The following DLG2 variants were observed in gnomAD, a reference collection of about 807,000 sequenced individuals.
DLG2 encodes the protein disks large homolog 2.
Under a neutral mutation model 132.5 loss-of-function variants are expected in DLG2, and 45 were observed. The ratio of observed to expected loss-of-function variants is 0.34; its 90% CI spans 0.27 to 0.44. The LOEUF (loss-of-function observed/expected upper bound fraction) is 0.44, where lower values mean the gene tolerates loss of function less well. Ranked by LOEUF, DLG2 falls within the 20% of genes least tolerant of loss-of-function variation. The pLI is 1.00. For synonymous variants in DLG2, 424 were observed against 419.6 expected, an observed-to-expected ratio of 1.01 and a Z score of -0.13; for missense variants, 1,045 against 1,196.9, an observed-to-expected ratio of 0.87 and a Z score of 1.87.
chr11:84,381,265 C>G (rs1443211443), intron 7 of DLG2, among the ~76,000 whole-genome samples: 2 of 151,766 alleles, frequency 1.3e-5, no homozygotes, highest in Admixed American at 6.6e-5. Context: ...AATACTAGAC[C>G]CAGATAGTTT....
intron 7 of DLG2, among the ~76,000 whole-genome samples, chr11:84,502,415 T>C (rs10898245): frequency 3.0e-5 from 3 of 99,826 alleles, no homozygotes; most frequent in East Asian, 2.5e-4. Flanking sequence ...TCTTTCTTTC[T>C]ATACAGAGTC....
intron 9 of DLG2, among the ~76,000 whole-genome samples, chr11:84,152,217 G>C (rs530682360): frequency 6.6e-6 from 1 of 152,182 alleles, no homozygotes; most frequent in African/African-American, 2.4e-5. Flanking sequence ...TACAAACTGG[G>C]TGCTCCAATG....
At position 84,841,939 on chromosome 11, in the gene DLG2, A is replaced by G. The variant is rs183729482; in HGVS notation, c.357+269722T>C. ...GCTATATGGACAGCTTTGTGCTTGTATCTTTCTTCTTATGATATATTATTT... is the reference window on the plus strand; with the variant it reads ...GCTATATGGACAGCTTTGTGCTTGTGTCTTTCTTCTTATGATATATTATTT... On this transcript the variant is annotated intron_variant, in intron 6 of 27. Coordinates refer to ENST00000376104, the MANE Select transcript of DLG2 (RefSeq NM_001142699.3). Among the ~76,000 whole-genome samples, 141 of 152,024 alleles carry G rather than the reference A, an allele frequency of 9.3e-4. 2 individuals are homozygous for G. The highest frequency in any genetic ancestry group is 1.6e-4 in the Non-Finnish European group (11 of 67,916).
Position 83,985,195 on chromosome 11 carries a change from C to T in DLG2, c.920-4553G>A, listed in dbSNP as rs79673873. ...GGGGCAGGCTCTCTACCTTATAAGA[C>T]CTAGACTGGCTAAGGCATGCCATGA... On this transcript the variant is annotated intron_variant, in intron 11 of 27. Transcript: ENST00000376104. Among the ~76,000 whole-genome samples the T allele has an allele frequency of 6.7e-3, 1,025 of 152,192 alleles. 4 individuals carry two copies. The highest frequency in any genetic ancestry group is 0.011 in the Non-Finnish European group (779 of 67,992).
chr11:85,395,841 T>C (rs936799752), intron 3 of DLG2, among the ~76,000 whole-genome samples: 10 of 152,150 alleles, frequency 6.6e-5, no homozygotes, highest in African/African-American at 2.4e-4. Context: ...GCAGGGCATA[T>C]CTGAACAAAA....
intron 7 of DLG2, among the ~76,000 whole-genome samples, chr11:84,266,853 A>G (rs776890622): frequency 1.3e-5 from 2 of 152,224 alleles, no homozygotes; most frequent in African/African-American, 4.8e-5. Flanking sequence ...CTTCTTAAGT[A>G]TTCACCATTC....
intron 3 of DLG2, among the ~76,000 whole-genome samples, chr11:85,388,016 C>T (rs2086491430): frequency 6.6e-6 from 1 of 152,202 alleles, no homozygotes; most frequent in Non-Finnish European, 1.5e-5. Context: ...AGTCTGCTTG[C>T]TTTCTTAGCT....
At chr11:85,529,043 C>A (rs561932008) in intron 3 of DLG2, among the ~76,000 whole-genome samples, 1 of 152,324 alleles carries the variant, frequency 6.6e-6, no homozygotes, top group Non-Finnish European at 1.5e-5. Flanking sequence ...TTATTAATCT[C>A]ACAAGCATAA....
chr11:84,916,206 G>C (rs955126969), intron 6 of DLG2, among the ~76,000 whole-genome samples: 1 of 150,992 alleles, frequency 6.6e-6, no homozygotes, highest in Non-Finnish European at 1.5e-5. Context: ...AAAATTAGCC[G>C]GGCGTAGTGG....
At chr11:84,769,296 C>T (rs1213007097) in intron 6 of DLG2, among the ~76,000 whole-genome samples, 1 of 152,080 alleles carries the variant, frequency 6.6e-6, no homozygotes, top group Non-Finnish European at 1.5e-5. Flanking sequence ...AAGAATCATT[C>T]AGTTCTTCTG....
chr11:83,874,989 T>A (rs945566024), intron 15 of DLG2, among the ~76,000 whole-genome samples: 2 of 152,156 alleles, frequency 1.3e-5, no homozygotes, highest in African/African-American at 2.4e-5. Flanking sequence ...TTCTTTATGA[T>A]GCAATGTATT....
chr11:83,885,289 A>G (rs2067500875), intron 15 of DLG2, among the ~76,000 whole-genome samples: 1 of 152,260 alleles, frequency 6.6e-6, no homozygotes, highest in Non-Finnish European at 1.5e-5. Context: ...CTCGAGAACT[A>G]CGTGAAGAAT....
chr11:85,569,014 A>G (rs563044303), intron 3 of DLG2, among the ~76,000 whole-genome samples: 25 of 151,730 alleles, frequency 1.6e-4, no homozygotes, highest in African/African-American at 5.8e-4. Context: ...ATTTGAGATC[A>G]TTCTTCTTTC....
chr11:84,714,034 T>G (rs921066249), intron 6 of DLG2, among the ~76,000 whole-genome samples: 4 of 152,060 alleles, frequency 2.6e-5, no homozygotes, highest in African/African-American at 4.8e-5. Context: ...GAAACCAAAA[T>G]AGTACTGGGA....
chr11:84,827,676 C>CAAAAAAAAAAAAAAAAAAAAAAAAA (rs398016953), intron 6 of DLG2, among the ~76,000 whole-genome samples: 3 of 35,088 alleles, frequency 8.5e-5, no homozygotes, highest in African/African-American at 2.8e-4. Context: ...TACATACAGT[C>CAAAAAAAAAAAAAAAAAAAAAAAAA]AAAAAAAAAA....
intron 6 of DLG2, among the ~76,000 whole-genome samples, chr11:84,631,006 TCTCTCTCTCTCTCA>T (rs1303235251): frequency 1.4e-3 from 181 of 129,830 alleles, no homozygotes; most frequent in African/African-American, 4.8e-3. Flanking sequence ...TCTCTCTCTC[TCTCTCTCTCTCTCA>T]CACACACACA....
intron 15 of DLG2, among the ~76,000 whole-genome samples, chr11:83,928,851 G>A (rs536340735): frequency 2.6e-5 from 4 of 152,272 alleles, no homozygotes; most frequent in Admixed American, 6.5e-5. Flanking sequence ...ATAAATGTTA[G>A]CTACCCTTAT....
chr11:84,637,739 G>A (rs1416390089), intron 6 of DLG2, among the ~76,000 whole-genome samples: 2 of 152,202 alleles, frequency 1.3e-5, no homozygotes, highest in African/African-American at 4.8e-5. Flanking sequence ...TTGAACTCTG[G>A]TTTAGATCTG....
chr11:84,098,748 C>T (rs997307817), intron 10 of DLG2, among the ~76,000 whole-genome samples, 175 bp downstream of exon 10: 5 of 152,164 alleles, frequency 3.3e-5, no homozygotes, highest in Admixed American at 3.3e-4. Flanking sequence ...AAATCAAACA[C>T]TACTGAAATT....
Sources: gnomAD v4.1 joint callset for allele counts (sites outside exome capture counted in the v4.1 genomes callset) on GRCh38, gnomAD v4.1.1 for gene constraint, MANE v1.5 for transcripts, NCBI Gene and HGNC (gene_info 2026-07-23, HGNC 2026-07-21) for gene names.